The following SMARCE1 variants were observed in gnomAD, a reference collection of about 807,000 sequenced individuals.
SMARCE1 encodes the protein SWI/SNF related BAF chromatin remodeling complex subunit E1, also known as SWI/SNF-related matrix-associated actin-dependent regulator of chromatin subfamily E member 1.
A neutral mutation model predicts 54.9 loss-of-function variants in SMARCE1; 13 were observed. The observed-to-expected ratio is 0.24, with a 90% CI of 0.15 to 0.38. SMARCE1 has a LOEUF of 0.38. Among genes scored for constraint, SMARCE1 ranks in the 10% least tolerant of loss-of-function variants. SMARCE1 has a pLI of 1.00. For missense variants in SMARCE1, 295 were observed against 523.8 expected, an observed-to-expected ratio of 0.56 and a Z score of 4.26; for synonymous variants, 151 against 175.3, an observed-to-expected ratio of 0.86 and a Z score of 1.10.
rs1251223372 is a variant in SMARCE1 at position 40,626,033 on chromosome 17, G to A, written c.*2752C>T. On this transcript the variant is annotated 3_prime_UTR_variant, in exon 11 of 11. Transcript: ENST00000348513. The stretch of plus-strand genomic sequence containing the variant: ...CAGGAGGTCAAGAGTTCGAGACCAG[G>A]CTGGCAAACATGGCAAAATCCTGTC... 2 of 152,104 alleles carry A rather than the reference G, an allele frequency of 1.3e-5. No individual in the cohort carries two copies. The highest frequency in any genetic ancestry group is 1.9e-4 in the East Asian group (1 of 5,180). The allele number at this position is 152,104 out of a possible 1,614,324, so 9.4% of individuals were successfully genotyped here.
chr17:40,642,691 T>C lies in SMARCE1; in HGVS notation c.52-132A>G. On this transcript the variant is annotated intron_variant, in intron 3 of 10. Transcript: ENST00000348513. This position sits in a 1 kb window ranked among gnomAD's most constrained non-coding sequence, Gnocchi z 4.6. ...TTAAACAAGCAATGATGTGTTGTAA[T>C]TGTTCTTTTTTTCCACTGAGGAAAT... is the stretch of plus-strand genomic sequence containing the variant. 3.3e-6 allele frequency: 2 copies of C among 604,186 alleles called. No individual in the cohort carries two copies. Among genetic ancestry groups the C allele is most frequent in the East Asian group, 2.7e-5 (1 of 36,526 alleles). The allele number at this position is 604,186 out of a possible 1,614,324, so 37.4% of individuals were successfully genotyped here.
intron 7 of SMARCE1, 39 bp from the exon 8 acceptor site, chr17:40,632,406 TA>T (rs2037104067): frequency 6.3e-7 from 1 of 1,575,722 alleles, no homozygotes; most frequent in Non-Finnish European, 8.7e-7. Context: ...AGGTCACCAG[TA>T]ACCATAAAAA....
In SMARCE1 at chr17:40,630,009, C is replaced by A. The variant is rs551335919; in HGVS notation, c.1027+705G>T. On this transcript the variant is annotated intron_variant, in intron 10 of 10. Coordinates refer to ENST00000348513, the MANE Select transcript of SMARCE1 (RefSeq NM_003079.5). ...CCAAGTATGACTACTGTCCCTCCCA[C>A]TTCTTGCAACGATGCTCCAGGAAGC... 3 of 428,158 alleles carry A rather than the reference C, an allele frequency of 7.0e-6. No individual in the cohort carries two copies. In the East Asian group the frequency reaches 1.1e-4, roughly 15 times the overall value. The allele number at this position is 428,158 out of a possible 1,614,324, so 26.5% of individuals were successfully genotyped here. A position where few individuals can be genotyped will look rare whatever the true frequency, so the allele number is the denominator to read the frequency against.
intron 4 of SMARCE1, chr17:40,639,903 G>A (rs987515358): frequency 4.6e-5 from 7 of 152,120 alleles, no homozygotes; most frequent in Non-Finnish European, 8.8e-5. Context: ...CTCTTTCAAC[G>A]GCCTAGGGGC....
intron 9 of SMARCE1, 47 bp downstream of exon 9, chr17:40,631,545 G>GT (rs754380963): frequency 5.4e-6 from 5 of 929,858 alleles, no homozygotes; most frequent in African/African-American, 3.3e-5. Context: ...GAAAAATAAA[G>GT]TAACAGGTAT....
intron 10 of SMARCE1, 90 bp from the exon 11 acceptor site, chr17:40,629,083 A>C (rs1003391966): frequency 5.9e-6 from 6 of 1,013,710 alleles, no homozygotes; most frequent in African/African-American, 3.2e-5. Flanking sequence ...CCAATATAGA[A>C]GCCACTAGCC....
chr17:40,630,074 T>C (rs1275030480), intron 10 of SMARCE1: 1 of 551,798 alleles, frequency 1.8e-6, no homozygotes, highest in Non-Finnish European at 3.2e-6. Flanking sequence ...AGCTTAGTCC[T>C]GTTTACACAG....
chr17:40,628,665 C>A lies in SMARCE1; in HGVS notation c.*120G>T. On this transcript the variant is annotated 3_prime_UTR_variant, in exon 11 of 11. Coordinates refer to ENST00000348513, the MANE Select transcript of SMARCE1 (RefSeq NM_003079.5). Reference sequence around the variant, plus strand: ...TCATGATGCTAAATGGTCCAAAAGCCTTTGGTGGTGTGATATGGACAAGAA... The same window carrying A: ...TCATGATGCTAAATGGTCCAAAAGCATTTGGTGGTGTGATATGGACAAGAA... 1.4e-6 allele frequency: 1 copy of A among 727,936 alleles called. No individual in the cohort carries two copies. The highest frequency in any genetic ancestry group is 2.3e-6 in the Non-Finnish European group (1 of 431,676). 45.1% of individuals were successfully genotyped at this position (727,936 alleles called of 1,614,324 possible). A position where few individuals can be genotyped will look rare whatever the true frequency, so the allele number is the denominator to read the frequency against.
intron 5 of SMARCE1, 127 bp downstream of exon 5, chr17:40,637,365 C>T (rs560016752): frequency 8.0e-5 from 62 of 770,190 alleles, no homozygotes; most frequent in Non-Finnish European, 1.2e-4. Context: ...CTTTAAAAAC[C>T]GTATTTTTTT....
chr17:40,629,041 C>A (rs2143981081), intron 10 of SMARCE1, 48 bp from the exon 11 acceptor site: 1 of 1,491,352 alleles, frequency 6.7e-7, no homozygotes, highest in South Asian at 1.1e-5. Flanking sequence ...AAATTTTACT[C>A]TAGTTATGCT....
chr17:40,646,390 TGA>T (rs2037257238), intron 1 of SMARCE1, among the ~76,000 whole-genome samples: 1 of 152,240 alleles, frequency 6.6e-6, no homozygotes, highest in South Asian at 2.1e-4. Flanking sequence ...GAATAAATTT[TGA>T]GAGTCTACCT....
At chr17:40,638,474 TA>T (rs930098909) in intron 4 of SMARCE1, among the ~76,000 whole-genome samples, 7 of 151,410 alleles carry the variant, frequency 4.6e-5, no homozygotes, top group Admixed American at 3.3e-4. Context: ...AAAGAAAAAA[TA>T]AAAAAAGAAG....
chr17:40,645,213 T>C lies in SMARCE1; in HGVS notation c.51+363A>G, dbSNP rs117894571. On this transcript the variant is annotated intron_variant, in intron 3 of 10. Coordinates refer to ENST00000348513, the MANE Select transcript of SMARCE1 (RefSeq NM_003079.5). ...GAGAAAAACATAACCAGTTGAAGGT[T>C]AGGTTTAACAAAATAGCCAGAATGA... The C allele has an allele frequency of 7.5e-3, 2,639 of 350,706 alleles. 53 individuals are homozygous for C. Among genetic ancestry groups the C allele is most frequent in the Admixed American group, 0.065 (1,392 of 21,500 alleles). The allele number at this position is 350,706 out of a possible 1,614,324, so 21.7% of individuals were successfully genotyped here.
In SMARCE1 at chr17:40,632,360, A is replaced by G. The variant is rs752455835; in HGVS notation, c.549T>C (p.Asp183=). ...IQPAEDPDDY[D]DGFSMKHTAT... ...CTGTATGCTTCATTGAAAAGCCATC[A>G]TCATAATCTGGAGTGAACAAATTGT... is the stretch of plus-strand genomic sequence containing the variant. The change falls in exon 8 of 11, where the codon GAT becomes GAC. Residue 183 remains aspartate (D), a synonymous_variant. Transcript: ENST00000348513. 4 of 1,613,818 alleles carry G rather than the reference A, an allele frequency of 2.5e-6. No homozygotes were observed. The highest frequency in any genetic ancestry group is 3.3e-5 in the Admixed American group (2 of 59,984).
chr17:40,642,269 A>G lies in SMARCE1; in HGVS notation c.156+186T>C. The G allele has an allele frequency of 1.5e-6, 1 of 657,760 alleles. No homozygotes were observed. The highest frequency in any genetic ancestry group is 2.7e-6 in the Non-Finnish European group (1 of 369,168). 40.7% of individuals were successfully genotyped at this position (657,760 alleles called of 1,614,324 possible). A position where few individuals can be genotyped will look rare whatever the true frequency, so the allele number is the denominator to read the frequency against. Reference sequence around the variant, plus strand: ...TGGATTTTTCTTTTCTTCTATATACATTCCAGATCTCACTATTTATTTTTT... The same window carrying G: ...TGGATTTTTCTTTTCTTCTATATACGTTCCAGATCTCACTATTTATTTTTT... On this transcript the variant is annotated intron_variant, in intron 4 of 10. Coordinates refer to ENST00000348513, the MANE Select transcript of SMARCE1 (RefSeq NM_003079.5). This position sits in a 1 kb window ranked among gnomAD's most constrained non-coding sequence, Gnocchi z 4.6.
In SMARCE1 at chr17:40,631,799, G is replaced by A. The variant is rs2037098226; in HGVS notation, c.715-106C>T. ...TTGAACTTTAGATCATTTATCACAT[G>A]AGTCTAGCTAAGATTTAAAAAATAC... is the stretch of plus-strand genomic sequence containing the variant. On this transcript the variant is annotated intron_variant, in intron 8 of 10. Transcript: ENST00000348513. 1.6e-5 allele frequency: 11 copies of A among 677,852 alleles called. No homozygotes were observed. The South Asian group carries it at 1.8e-4, about 11-fold the overall frequency. The allele number at this position is 677,852 out of a possible 1,614,324, so 42.0% of individuals were successfully genotyped here. A position where few individuals can be genotyped will look rare whatever the true frequency, so the allele number is the denominator to read the frequency against.
chr17:40,635,865 TAA>T lies in SMARCE1; in HGVS notation c.541+64_541+65del. ...AGGATAAGAAATAAAAACTTATACT[TAA>T]GAGATTTCTCATATCTTAACTCACA... On this transcript the variant is annotated intron_variant, in intron 7 of 10. Coordinates refer to ENST00000348513, the MANE Select transcript of SMARCE1 (RefSeq NM_003079.5). The T allele has an allele frequency of 2.5e-6, 3 of 1,189,026 alleles. No homozygotes were observed. In the South Asian group the frequency reaches 5.8e-5, roughly 23 times the overall value. The allele number at this position is 1,189,026 out of a possible 1,614,324, so 73.7% of individuals were successfully genotyped here. A position where few individuals can be genotyped will look rare whatever the true frequency, so the allele number is the denominator to read the frequency against.
At chr17:40,639,043 T>C (rs553303103) in intron 4 of SMARCE1, among the ~76,000 whole-genome samples, 1 of 152,264 alleles carries the variant, frequency 6.6e-6, no homozygotes, top group East Asian at 1.9e-4. Context: ...TTCCTCTCTT[T>C]CCATTCCTCC....
At chr17:40,645,329 G>C (rs2037244922) in intron 3 of SMARCE1, 1 of 414,752 alleles carries the variant, frequency 2.4e-6, no homozygotes, top group Non-Finnish European at 4.2e-6. Context: ...CATTTACAAA[G>C]AAAAAACAAA....
Sources: gnomAD v4.1 joint callset for allele counts (sites outside exome capture counted in the v4.1 genomes callset) on GRCh38, gnomAD v4.1.1 for gene constraint, Gnocchi (gnomAD v3.1) non-coding constraint, MANE v1.5 for transcripts, NCBI Gene and HGNC (gene_info 2026-07-23, HGNC 2026-07-21) for gene names.